Variants in ARFGEF3 observed in about 807,000 individuals in gnomAD.
ARFGEF3 encodes brefeldin A-inhibited guanine nucleotide-exchange protein 3.
Under a neutral mutation model 221.7 loss-of-function variants are expected in ARFGEF3, and 96 were observed. That is an observed-to-expected ratio of 0.43 (90% confidence interval 0.37 to 0.51). The LOEUF (loss-of-function observed/expected upper bound fraction) is 0.51, where lower values mean the gene tolerates loss of function less well. Ranked by LOEUF, ARFGEF3 falls within the 20% of genes least tolerant of loss-of-function variation. ARFGEF3 has a pLI of 0.00. For missense variants in ARFGEF3, 2,410 were observed against 2,789.9 expected (o/e 0.86, Z 3.07); for synonymous variants, 1,145 against 1,126.8 (o/e 1.02, Z -0.32).
chr6:138,214,849 A>T (rs1444520869), intron 4 of ARFGEF3, among the ~76,000 whole-genome samples: 2 of 152,218 alleles, frequency 1.3e-5, no homozygotes, highest in Admixed American at 6.5e-5. Context: ...CACTTAGTCT[A>T]GGAACTATTC....
chr6:138,301,643 C>A (rs138756134), intron 22 of ARFGEF3, among the ~76,000 whole-genome samples: 322 of 152,286 alleles, frequency 2.1e-3, no homozygotes, highest in African/African-American at 7.4e-3. Flanking sequence ...ATAGTCTGTT[C>A]ACACATCCCT....
intron 4 of ARFGEF3, among the ~76,000 whole-genome samples, chr6:138,210,346 A>G (rs1471784572): frequency 6.6e-6 from 1 of 151,698 alleles, no homozygotes; most frequent in Non-Finnish European, 1.5e-5. Flanking sequence ...AGATCTGATT[A>G]TTCTGGGTAT....
At chr6:138,270,826 A>G (rs1406428183) in intron 12 of ARFGEF3, among the ~76,000 whole-genome samples, 3 of 152,156 alleles carry the variant, frequency 2.0e-5, no homozygotes, top group Non-Finnish European at 4.4e-5. Context: ...AAGAGGCGGA[A>G]TAGAGGGAAT....
chr6:138,190,768 G>C (rs1184910794), intron 2 of ARFGEF3, among the ~76,000 whole-genome samples: 1 of 152,170 alleles, frequency 6.6e-6, no homozygotes, highest in Non-Finnish European at 1.5e-5. Flanking sequence ...GGTGGTTTGT[G>C]TGAAGAACAT....
chr6:138,162,499 C>T lies in ARFGEF3; in HGVS notation c.85+328C>T, dbSNP rs574594838. 1.3e-5 allele frequency among the ~76,000 whole-genome samples: 2 copies of T among 152,266 alleles called. No homozygotes were observed. Among genetic ancestry groups the T allele is most frequent in the South Asian group, 4.2e-4 (2 of 4,814 alleles). ...GGCAGGACCCGGAGCCGGTGCGAAT[C>T]CTGGGGCCTGACAGCGAAGCGCCTC... On this transcript the variant is annotated intron_variant, in intron 1 of 33. Transcript: ENST00000251691. This position sits in a 1 kb window ranked among gnomAD's most constrained non-coding sequence, Gnocchi z 4.7.
chr6:138,319,966 C>T, intron 28 of ARFGEF3, 87 bp downstream of exon 28: 1 of 1,065,700 alleles, frequency 9.4e-7, no homozygotes, highest in Non-Finnish European at 1.4e-6. Context: ...ATACCTAATG[C>T]AAATACGAAT....
Position 138,311,479 on chromosome 6 carries a change from C to A in ARFGEF3, c.4169C>A (p.Pro1390Gln). Residue 1390 changes from proline to glutamine, a missense_variant, in exon 25 of 34, where the codon CCG (proline) becomes CAG (glutamine). Physicochemically the swap from Pro to Gln is moderately conservative, Grantham distance 76 (BLOSUM62 -1). Coordinates refer to ENST00000251691, the MANE Select transcript of ARFGEF3 (RefSeq NM_020340.5). ...PGAPSTDLCL[P>Q]ALDYLRRCSQ... ...GCCCCGTCCACAGACCTGTGCCTCC[C>A]GGCCCTGGATTACCTCAGGCGCTGC... 1 of 1,603,742 alleles carries A rather than the reference C, an allele frequency of 6.2e-7. No individual in the cohort carries two copies. Among genetic ancestry groups the A allele is most frequent in the South Asian group, 1.1e-5 (1 of 88,406 alleles).
At chr6:138,237,976 T>C (rs1778318018) in intron 5 of ARFGEF3, among the ~76,000 whole-genome samples, 1 of 152,222 alleles carries the variant, frequency 6.6e-6, no homozygotes, top group South Asian at 2.1e-4. Context: ...TGTAGGAATT[T>C]GGAAACATTT....
At chr6:138,284,484 C>A (rs1021214965) in intron 14 of ARFGEF3, among the ~76,000 whole-genome samples, 1 of 152,208 alleles carries the variant, frequency 6.6e-6, no homozygotes. Flanking sequence ...GAGCCTGACT[C>A]AGGGCTACAA....
Position 138,288,458 on chromosome 6 carries a change from C to T in ARFGEF3, c.2896+1274C>T, listed in dbSNP as rs533670539. 1.8e-4 allele frequency among the ~76,000 whole-genome samples: 27 copies of T among 151,714 alleles called. No homozygotes were observed. In the East Asian group the frequency reaches 3.7e-3, roughly 21 times the overall value. On this transcript the variant is annotated intron_variant, in intron 17 of 33. Transcript: ENST00000251691. The stretch of plus-strand genomic sequence containing the variant: ...CAGCACTTTGGGAGGCTAAGGTGGG[C>T]GGATCATTTGAGGTCAGGAGTTTGA...
intron 13 of ARFGEF3, 32 bp from the exon 14 acceptor site, chr6:138,279,967 T>C (rs755290826): frequency 1.9e-6 from 3 of 1,610,702 alleles, no homozygotes; most frequent in Non-Finnish European, 1.7e-6. Context: ...CAGGGTGTTA[T>C]GTGGTCACCT....
rs957940002 is a variant in ARFGEF3, at chr6:138,289,834, G to A, written c.2913G>A (p.Glu971=). 5.6e-6 allele frequency: 9 copies of A among 1,613,634 alleles called. No individual in the cohort carries two copies. The highest frequency in any genetic ancestry group is 7.6e-6 in the Non-Finnish European group (9 of 1,179,778). ...DAITQVKLKV[E]QKLEQIGKVQ... is the part of the protein sequence containing the mutation. ...CTGGCACAGTGAAACTAAAAGTGGA[G>A]CAGAAACTGGAGCAGATTGGGAAGG... Residue 971 remains glutamate (E), a synonymous_variant, in exon 18 of 34, where the codon GAG becomes GAA. Coordinates refer to ENST00000251691, the MANE Select transcript of ARFGEF3 (RefSeq NM_020340.5).
chr6:138,216,495 G>T (rs1396481697), intron 4 of ARFGEF3: 1 of 152,196 alleles, frequency 6.6e-6, no homozygotes, highest in Non-Finnish European at 1.5e-5. Flanking sequence ...GACAAAGGAA[G>T]AAAGACTGTT....
rs777973581 is a variant in ARFGEF3 at position 138,337,713 on chromosome 6, A to G, written c.*1227A>G. 6.6e-6 allele frequency: 1 copy of G among 152,172 alleles called. No homozygotes were observed. The allele number at this position is 152,172 out of a possible 1,614,324, so 9.4% of individuals were successfully genotyped here. A position where few individuals can be genotyped will look rare whatever the true frequency, so the allele number is the denominator to read the frequency against. On this transcript the variant is annotated 3_prime_UTR_variant, in exon 34 of 34. Transcript: ENST00000251691. ...GTTTGATGTCTTTGCATTCAGACCA[A>G]TATTTCAGGTGGATATTTCTAAGTA...
At chr6:138,288,654 C>T (rs1453609086) in intron 17 of ARFGEF3, among the ~76,000 whole-genome samples, 2 of 151,710 alleles carry the variant, frequency 1.3e-5, no homozygotes, top group East Asian at 3.9e-4. Flanking sequence ...CACTGCACTC[C>T]AGCCTGGGTA....
chr6:138,274,965 G>C (rs1336108545), intron 12 of ARFGEF3, among the ~76,000 whole-genome samples: 3 of 150,470 alleles, frequency 2.0e-5, no homozygotes, highest in African/African-American at 7.4e-5. Flanking sequence ...AAATTAGCTG[G>C]GTGCGGTGGC....
Position 138,284,473 on chromosome 6 carries a change from C to T in ARFGEF3, c.2462-1473C>T, listed in dbSNP as rs957817647. On this transcript the variant is annotated intron_variant, in intron 14 of 33. Coordinates refer to ENST00000251691, the MANE Select transcript of ARFGEF3 (RefSeq NM_020340.5). ...TATACTGAGGAACTTGGGGCCTTGG[C>T]GAGCCTGACTCAGGGCTACAAGGCT... Among the ~76,000 whole-genome samples the T allele has an allele frequency of 3.3e-5, 5 of 152,260 alleles. No individual in the cohort carries two copies. The East Asian group carries it at 5.8e-4, about 18-fold the overall frequency.
chr6:138,240,725 C>T (rs1277117367), intron 6 of ARFGEF3, among the ~76,000 whole-genome samples: 1 of 152,158 alleles, frequency 6.6e-6, no homozygotes, highest in Non-Finnish European at 1.5e-5. Context: ...AAACATAGGT[C>T]TCAGGTTGCT....
At chr6:138,260,888 T>C (rs1359857856) in intron 10 of ARFGEF3, among the ~76,000 whole-genome samples, 1 of 152,104 alleles carries the variant, frequency 6.6e-6, no homozygotes, top group African/African-American at 2.4e-5. Context: ...TTTAGAACAC[T>C]CTATTTGAAA....
Sources: gnomAD v4.1 joint callset for allele counts (sites outside exome capture counted in the v4.1 genomes callset) on GRCh38, gnomAD v4.1.1 for gene constraint, Gnocchi (gnomAD v3.1) non-coding constraint, MANE v1.5 for transcripts, NCBI Gene and HGNC (gene_info 2026-07-23, HGNC 2026-07-21) for gene names.